NBEA: variants seen among roughly 807,000 people sequenced by gnomAD.
The protein encoded by NBEA is lysosomal-trafficking regulator 2.
In NBEA, 44 loss-of-function variants were observed where a neutral mutation model predicts 343.4. The observed-to-expected ratio is 0.13, with a 90% CI of 0.10 to 0.16. The LOEUF (loss-of-function observed/expected upper bound fraction) is 0.16, where lower values mean the gene tolerates loss of function less well. NBEA is among the 10% of genes least tolerant of loss of function. NBEA has a pLI of 1.00. For missense variants in NBEA, 2,555 were observed against 3,631.3 expected (o/e 0.70, Z 7.62); for synonymous variants, 1,175 against 1,238.7 (o/e 0.95, Z 1.08).
intron 1 of NBEA, among the ~76,000 whole-genome samples, chr13:34,955,649 ACTAT>A (rs2059467386): frequency 6.6e-6 from 1 of 152,196 alleles, no homozygotes; most frequent in Non-Finnish European, 1.5e-5. Context: ...CTTAATGCTA[ACTAT>A]AGACTACAGT....
At chr13:35,251,416 C>T (rs1184237436) in intron 34 of NBEA, 42 of 1,054,964 alleles carry the variant, frequency 4.0e-5, no homozygotes, top group East Asian at 9.6e-5. Flanking sequence ...CAGAGATCCT[C>T]GTCAGTGGTG....
At chr13:35,210,798 G>A (rs939852181) in intron 32 of NBEA, among the ~76,000 whole-genome samples, 3 of 151,920 alleles carry the variant, frequency 2.0e-5, no homozygotes, top group African/African-American at 7.3e-5. Flanking sequence ...ATTTCTTGAT[G>A]TTTTTTATTT....
rs780743397 is a variant in NBEA at position 35,670,975 on chromosome 13, A to C, written c.8888A>C (p.His2963Pro). Reference protein sequence around the residue: ...NIDFNRWHYEHQNRY With the variant: ...NIDFNRWHYEPQNRY ...GATTTTAATCGGTGGCATTATGAGC[A>C]TCAGAACAGATACTGAAGATAAAGG... Residue 2963 changes from histidine (H) to proline (P), a missense_variant, in exon 59 of 59, where the codon CAT becomes CCT. Around this residue, in one of 21 missense-constraint regions of NBEA, gnomAD observed 186 missense variants for 328.9 expected, o/e 0.57. Coordinates refer to ENST00000379939, the MANE Select transcript of NBEA (RefSeq NM_001385012.1). 6.3e-7 allele frequency: 1 copy of C among 1,577,888 alleles called. No individual in the cohort carries two copies. The highest frequency in any genetic ancestry group is 8.6e-7 in the Non-Finnish European group (1 of 1,160,072).
At chr13:35,074,392 T>G (rs1199803078) in intron 10 of NBEA, among the ~76,000 whole-genome samples, 3 of 152,092 alleles carry the variant, frequency 2.0e-5, no homozygotes. Flanking sequence ...AATAAAACCT[T>G]CCTCATTGTG....
chr13:34,960,599 T>G (rs546842968), intron 1 of NBEA, among the ~76,000 whole-genome samples: 1 of 152,086 alleles, frequency 6.6e-6, no homozygotes, highest in Non-Finnish European at 1.5e-5. Context: ...TTATCTTTTA[T>G]AGTATATTTT....
At chr13:35,470,130 C>T (rs990740047) in intron 40 of NBEA, among the ~76,000 whole-genome samples, 2 of 152,286 alleles carry the variant, frequency 1.3e-5, no homozygotes, top group Non-Finnish European at 2.9e-5. Context: ...AAATGACACA[C>T]TATTAATGCT....
chr13:35,372,458 C>G (rs2041490893), intron 38 of NBEA, among the ~76,000 whole-genome samples: 1 of 152,132 alleles, frequency 6.6e-6, no homozygotes, highest in South Asian at 2.1e-4. Flanking sequence ...GAGGGCAGAT[C>G]CAGGCCAGCA....
At chr13:35,412,638 A>G (rs903424746) in intron 38 of NBEA, among the ~76,000 whole-genome samples, 33 of 152,150 alleles carry the variant, frequency 2.2e-4, no homozygotes, top group Non-Finnish European at 4.9e-4. Context: ...GAATGAACAT[A>G]GACATTACAC....
Position 35,432,278 on chromosome 13 carries a change from T to C in NBEA, c.6189T>C (p.His2063=). 6.3e-7 allele frequency: 1 copy of C among 1,599,994 alleles called. No individual in the cohort carries two copies. The highest frequency in any genetic ancestry group is 8.5e-7 in the Non-Finnish European group (1 of 1,172,356). ...TTCCCTCTACTCTTAGCCAATTGCA[T>C]GATTTCTGGCGTTTGGATTACTGGG... The part of the protein sequence containing the change: ...AWGAVSHSQL[H]DFWRLDYWED... Residue 2063 remains histidine, a synonymous_variant, in exon 39 of 59, where the codon CAT becomes CAC. Coordinates refer to ENST00000379939, the MANE Select transcript of NBEA (RefSeq NM_001385012.1).
intron 41 of NBEA, among the ~76,000 whole-genome samples, chr13:35,505,051 T>C (rs2077024122): frequency 6.6e-6 from 1 of 151,964 alleles, no homozygotes; most frequent in Non-Finnish European, 1.5e-5. Flanking sequence ...TATTATAAAA[T>C]ATATATTATT....
intron 41 of NBEA, among the ~76,000 whole-genome samples, chr13:35,549,071 T>G (rs1208656742): frequency 2.0e-5 from 3 of 152,132 alleles, no homozygotes; most frequent in African/African-American, 7.2e-5. Flanking sequence ...CTGTAGTTGG[T>G]AAATAGCAGA....
At chr13:35,585,022 T>G (rs9565391) in intron 46 of NBEA, among the ~76,000 whole-genome samples, 19,890 of 150,988 alleles carry the variant, frequency 0.13, 1,425 homozygotes, top group East Asian at 0.28. Flanking sequence ...CCTCATTCTT[T>G]CTTCTTGGGC....
chr13:35,616,295 A>G (rs1219598756), intron 48 of NBEA, among the ~76,000 whole-genome samples: 1 of 152,214 alleles, frequency 6.6e-6, no homozygotes, highest in Non-Finnish European at 1.5e-5. Context: ...CTGCGAACAA[A>G]ACCATAGTAG....
At chr13:35,167,879 T>G (rs1241432671) in intron 24 of NBEA, among the ~76,000 whole-genome samples, 2 of 151,800 alleles carry the variant, frequency 1.3e-5, no homozygotes, top group Non-Finnish European at 3.0e-5. Context: ...GTTGACCACT[T>G]TAGTCAGCCA....
At chr13:35,491,482 C>T (rs1226569637) in intron 41 of NBEA, among the ~76,000 whole-genome samples, 1 of 151,828 alleles carries the variant, frequency 6.6e-6, no homozygotes, top group Non-Finnish European at 1.5e-5. Context: ...TCATCTGTAC[C>T]TCAGTAAACT....
At chr13:35,279,159 G>T (rs1236158005) in intron 34 of NBEA, among the ~76,000 whole-genome samples, 1 of 152,130 alleles carries the variant, frequency 6.6e-6, no homozygotes, top group African/African-American at 2.4e-5. Context: ...GGCAAACCAT[G>T]CCATAGCATA....
In NBEA at chr13:35,296,824, A is replaced by G. The variant is rs2036165002; in HGVS notation, c.5838+6374A>G. ...TAAATTTTCTTCATTTTTGTCACAC[A>G]TATTTCAATATGCTTTATTTTTATT... On this transcript the variant is annotated intron_variant, in intron 35 of 58. Coordinates refer to ENST00000379939, the MANE Select transcript of NBEA (RefSeq NM_001385012.1). Among the ~76,000 whole-genome samples, 16 of 152,162 alleles carry G rather than the reference A, an allele frequency of 1.1e-4. 1 individual carries two copies. In the South Asian group the frequency reaches 3.3e-3, roughly 32 times the overall value.
chr13:35,252,491 G>A (rs916133074), intron 34 of NBEA, among the ~76,000 whole-genome samples: 1 of 152,226 alleles, frequency 6.6e-6, no homozygotes, highest in Admixed American at 6.5e-5. Context: ...GCCTGCTGGA[G>A]CTCTGGCCTA....
intron 17 of NBEA, among the ~76,000 whole-genome samples, chr13:35,124,758 G>A (rs1415796555): frequency 1.3e-5 from 2 of 149,108 alleles, no homozygotes; most frequent in Non-Finnish European, 3.0e-5. Flanking sequence ...ACATATGTAT[G>A]GATATATATA....
Sources: allele counts gnomAD v4.1 joint callset (sites outside exome capture counted in the v4.1 genomes callset), GRCh38; gene constraint gnomAD v4.1.1; regional missense constraint gnomAD v4.1.1; transcripts MANE v1.5; gene names NCBI Gene and HGNC (gene_info 2026-07-23, HGNC 2026-07-21).